The following LRMDA variants were observed in gnomAD, a reference collection of about 807,000 sequenced individuals.
LRMDA encodes the protein leucine-rich melanocyte differentiation-associated protein.
LRMDA carries 18 observed loss-of-function variants against 29.8 expected under a neutral mutation model. That is an observed-to-expected ratio of 0.60 (90% CI 0.42 to 0.90). LRMDA has a LOEUF of 0.90. Among genes scored for constraint, LRMDA ranks in the 40% least tolerant of loss-of-function variants. LRMDA has a pLI of 0.00. For synonymous variants in LRMDA, 125 were observed against 109.4 expected (o/e 1.14, Z -0.89); for missense variants, 273 against 273.9 (o/e 1.00, Z 0.02).
chr10:76,163,145 A>G (rs556201666), intron 5 of LRMDA, among the ~76,000 whole-genome samples: 12 of 152,316 alleles, frequency 7.9e-5, no homozygotes, highest in African/African-American at 2.9e-4. Flanking sequence ...TTGTAACTAT[A>G]TCAAAGAAAA....
At chr10:76,312,195 G>A (rs148471956) in intron 5 of LRMDA, among the ~76,000 whole-genome samples, 14 of 152,288 alleles carry the variant, frequency 9.2e-5, no homozygotes, top group Non-Finnish European at 2.1e-4. Flanking sequence ...TCCAAGATGT[G>A]TCCTCAGCTG....
At chr10:75,637,659 CT>C (rs1841404630) in intron 2 of LRMDA, among the ~76,000 whole-genome samples, 1 of 152,222 alleles carries the variant, frequency 6.6e-6, no homozygotes, top group African/African-American at 2.4e-5. Flanking sequence ...ATTGGAACCA[CT>C]TGGTTCCTAA....
intron 2 of LRMDA, among the ~76,000 whole-genome samples, chr10:75,933,550 T>C (rs923105059): frequency 2.0e-5 from 3 of 152,096 alleles, no homozygotes; most frequent in African/African-American, 7.2e-5. Context: ...CAGAGTGCAA[T>C]GTATGTCCCT....
intron 2 of LRMDA, among the ~76,000 whole-genome samples, chr10:75,440,428 G>A (rs963708655): frequency 6.6e-6 from 1 of 151,714 alleles, no homozygotes; most frequent in Non-Finnish European, 1.5e-5. Flanking sequence ...GCTGAGTTTG[G>A]GCAGGGATGA....
At chr10:75,766,726 A>G (rs553652816) in intron 2 of LRMDA, among the ~76,000 whole-genome samples, 2 of 152,242 alleles carry the variant, frequency 1.3e-5, no homozygotes, top group South Asian at 2.1e-4. Flanking sequence ...TGCTATACCT[A>G]TCAACCCATC....
chr10:76,004,320 C>A (rs183415477), intron 2 of LRMDA, among the ~76,000 whole-genome samples: 4 of 152,294 alleles, frequency 2.6e-5, no homozygotes, highest in African/African-American at 9.6e-5. Context: ...TCAAAGTAGA[C>A]CATATTTTCT....
intron 1 of LRMDA, among the ~76,000 whole-genome samples, chr10:75,434,639 T>TG (rs1346514748): frequency 1.3e-5 from 2 of 152,244 alleles, no homozygotes; most frequent in Admixed American, 1.3e-4. Flanking sequence ...CAGGCTGACA[T>TG]GCAGTAGCGC....
intron 5 of LRMDA, among the ~76,000 whole-genome samples, chr10:76,151,764 A>C (rs1458162045): frequency 6.6e-6 from 1 of 152,172 alleles, no homozygotes; most frequent in Non-Finnish European, 1.5e-5. Context: ...ACAACATCCT[A>C]ACTTAACTTT....
chr10:76,345,060 C>CTTTTTTTTTTTT (rs60233969), intron 6 of LRMDA, among the ~76,000 whole-genome samples: 2 of 77,588 alleles, frequency 2.6e-5, no homozygotes, highest in Non-Finnish European at 4.6e-5. Flanking sequence ...AACACAAAAC[C>CTTTTTTTTTTTT]TTTTTTTTTT....
chr10:75,587,528 C>T (rs1235339626), intron 2 of LRMDA, among the ~76,000 whole-genome samples: 1 of 152,098 alleles, frequency 6.6e-6, no homozygotes. Flanking sequence ...ATTTAAAAGG[C>T]TGTGTATTAT....
chr10:76,219,411 T>C (rs1851788297), intron 5 of LRMDA, among the ~76,000 whole-genome samples: 1 of 151,840 alleles, frequency 6.6e-6, no homozygotes, highest in Admixed American at 6.6e-5. Context: ...AATAAAAGGA[T>C]GGAGGAAGAT....
intron 2 of LRMDA, among the ~76,000 whole-genome samples, chr10:75,864,121 G>C (rs1844980458): frequency 6.6e-6 from 1 of 152,116 alleles, no homozygotes; most frequent in East Asian, 1.9e-4. Context: ...CTTTTAACGG[G>C]GCAAGGTCTC....
At chr10:76,518,028 C>T (rs1843079340) in intron 6 of LRMDA, among the ~76,000 whole-genome samples, 1 of 150,818 alleles carries the variant, frequency 6.6e-6, no homozygotes, top group Non-Finnish European at 1.5e-5. Context: ...ATGCTAGAAA[C>T]ATGTCTAAAG....
chr10:75,434,082 T>C (rs1196383296), intron 1 of LRMDA, among the ~76,000 whole-genome samples: 1 of 152,224 alleles, frequency 6.6e-6, no homozygotes, highest in African/African-American at 2.4e-5. Context: ...GAATGCATCA[T>C]TTATGTTCAG....
At chr10:75,931,025 C>G (rs962347873) in intron 2 of LRMDA, among the ~76,000 whole-genome samples, 4 of 152,188 alleles carry the variant, frequency 2.6e-5, no homozygotes, top group Non-Finnish European at 1.5e-5. Flanking sequence ...ATTTTGCCAA[C>G]TGAAACCCCA....
intron 2 of LRMDA, among the ~76,000 whole-genome samples, chr10:75,572,973 A>G (rs1840455789): frequency 6.6e-6 from 1 of 152,230 alleles, no homozygotes; most frequent in Non-Finnish European, 1.5e-5. Context: ...ATCAGAAACC[A>G]AATTTTCTTT....
At chr10:76,240,465 A>G (rs1852252721) in intron 5 of LRMDA, among the ~76,000 whole-genome samples, 1 of 148,264 alleles carries the variant, frequency 6.7e-6, no homozygotes, top group South Asian at 2.1e-4. Context: ...TATATTATAT[A>G]TATGTTATAT....
intron 5 of LRMDA, among the ~76,000 whole-genome samples, chr10:76,092,972 C>T (rs533229622): frequency 3.9e-5 from 6 of 152,128 alleles, no homozygotes; most frequent in African/African-American, 9.6e-5. Flanking sequence ...TCTTTTGGTC[C>T]GTGGGCTCTC....
intron 6 of LRMDA, among the ~76,000 whole-genome samples, chr10:76,430,828 T>C (rs779646534): frequency 4.6e-5 from 7 of 152,152 alleles, no homozygotes; most frequent in Non-Finnish European, 1.0e-4. Context: ...ACCTCCTAAT[T>C]GTCCCACAAC....
Sources: allele counts gnomAD v4.1 joint callset (sites outside exome capture counted in the v4.1 genomes callset), GRCh38; gene constraint gnomAD v4.1.1; transcripts MANE v1.5; gene names NCBI Gene and HGNC (gene_info 2026-07-23, HGNC 2026-07-21).